SLC26A11: variants seen among roughly 807,000 people sequenced by gnomAD.
The protein encoded by SLC26A11 is sodium-independent sulfate anion transporter.
A neutral mutation model predicts 62.2 loss-of-function variants in SLC26A11; 58 were observed. The observed-to-expected ratio is 0.93, with a 90% CI of 0.76 to 1.16. The LOEUF (loss-of-function observed/expected upper bound fraction) is 1.16. SLC26A11 is among the 50% of genes most tolerant of loss of function. The pLI is 0.00. For synonymous variants in SLC26A11, 411 were observed against 368.9 expected, an observed-to-expected ratio of 1.11 and a Z score of -1.31; for missense variants, 790 against 794.3, an observed-to-expected ratio of 0.99 and a Z score of 0.06.
At chr17:80,227,669 TACTC>T (rs142496446) in intron 6 of SLC26A11, 145 bp from the exon 7 acceptor site, 60,715 of 1,031,698 alleles carry the variant, frequency 0.059, 2,060 homozygotes, top group Non-Finnish European at 0.068. Flanking sequence ...TTCCTTGTGA[TACTC>T]ACTGTGGTCT....
chr17:80,224,166 G>GGAGAGTGTGTGTTA (rs1555626010), intron 5 of SLC26A11, among the ~76,000 whole-genome samples: 12 of 150,538 alleles, frequency 8.0e-5, no homozygotes, highest in Admixed American at 1.3e-4. Context: ...ACCAAGGACA[G>GGAGAGTGTGTGTTA]GAGAGTGTGT....
Position 80,246,703 on chromosome 17 carries a change from G to A in SLC26A11, c.1294+54G>A. 2 of 1,577,178 alleles carry A rather than the reference G, an allele frequency of 1.3e-6. No individual in the cohort carries two copies. The highest frequency in any genetic ancestry group is 1.7e-6 in the Non-Finnish European group (2 of 1,161,764). ...CTGTGATGCGGTGTCTGAACGCGGA[G>A]GGTGTCATTTATGCTACCCCATTTT... On this transcript the variant is annotated intron_variant, in intron 13 of 17. Coordinates refer to ENST00000361193, the MANE Select transcript of SLC26A11 (RefSeq NM_001166347.2). This position sits in a 1 kb window ranked among gnomAD's most constrained non-coding sequence, Gnocchi z 4.4.
chr17:80,245,122 C>A lies in SLC26A11; in HGVS notation c.1037-74C>A, dbSNP rs113506065. 135 of 1,425,346 alleles carry A rather than the reference C, an allele frequency of 9.5e-5. No homozygotes were observed. In the East Asian group the frequency reaches 2.9e-3, roughly 30 times the overall value. 88.3% of individuals were successfully genotyped at this position (1,425,346 alleles called of 1,614,324 possible). A position where few individuals can be genotyped will look rare whatever the true frequency, so the allele number is the denominator to read the frequency against. ...TCCTGCCTCCCTTCTGGGTTTTTGTCCCCCTCCCCATCTCCTTTCCCTCCA... is the reference window on the plus strand; with the variant it reads ...TCCTGCCTCCCTTCTGGGTTTTTGTACCCCTCCCCATCTCCTTTCCCTCCA... On this transcript the variant is annotated intron_variant, in intron 10 of 17. Transcript: ENST00000361193.
At chr17:80,225,026 T>C (rs1334419321) in intron 5 of SLC26A11, among the ~76,000 whole-genome samples, 4 of 151,934 alleles carry the variant, frequency 2.6e-5, no homozygotes, top group Non-Finnish European at 5.9e-5. Flanking sequence ...CTCTGACTCC[T>C]GTTGGGTCTC....
At chr17:80,221,935 T>G in intron 3 of SLC26A11, 141 bp downstream of exon 3, 1 of 894,898 alleles carries the variant, frequency 1.1e-6, no homozygotes, top group South Asian at 1.8e-5. Context: ...GTGACGCAGA[T>G]TGTCTCTGGG....
At chr17:80,233,366 G>A (rs2042608656) in intron 7 of SLC26A11, among the ~76,000 whole-genome samples, 1 of 152,110 alleles carries the variant, frequency 6.6e-6, no homozygotes, top group South Asian at 2.1e-4. Flanking sequence ...TTGGCCTCAA[G>A]TGATGCTCCT....
At chr17:80,232,343 C>G (rs2042587510) in intron 7 of SLC26A11, among the ~76,000 whole-genome samples, 1 of 152,074 alleles carries the variant, frequency 6.6e-6, no homozygotes, top group Non-Finnish European at 1.5e-5. Flanking sequence ...CAACCTCCAC[C>G]TCCCAGGTTC....
At position 80,228,004 on chromosome 17, in the gene SLC26A11, G is replaced by A; in HGVS notation, c.736+44G>A. ...ACATCTTATGCAACCTTGGCTGCAG[G>A]TTGGGGTCACTTGGGGAGTCCTAGT... On this transcript the variant is annotated intron_variant, in intron 7 of 17. Coordinates refer to ENST00000361193, the MANE Select transcript of SLC26A11 (RefSeq NM_001166347.2). The surrounding 1 kb of genome is among the most constrained non-coding windows in gnomAD (Gnocchi z 4.1). 1 of 1,571,112 alleles carries A rather than the reference G, an allele frequency of 6.4e-7. No homozygotes were observed. Among genetic ancestry groups the A allele is most frequent in the Non-Finnish European group, 8.6e-7 (1 of 1,161,056 alleles).
At chr17:80,234,166 G>A (rs1256228856) in intron 7 of SLC26A11, among the ~76,000 whole-genome samples, 1 of 151,956 alleles carries the variant, frequency 6.6e-6, no homozygotes, top group Admixed American at 6.6e-5. Context: ...TACCACGCCC[G>A]GCTAATTTTT....
intron 9 of SLC26A11, among the ~76,000 whole-genome samples, chr17:80,238,681 G>T (rs1038256601): frequency 6.6e-6 from 1 of 152,104 alleles, no homozygotes; most frequent in Admixed American, 6.6e-5. Flanking sequence ...GATTCTAAAG[G>T]TTACAGCCCA....
At position 80,238,178 on chromosome 17, in the gene SLC26A11, C is replaced by G. The variant is rs895836324; in HGVS notation, c.985+584C>G. Among the ~76,000 whole-genome samples, 9 of 152,060 alleles carry G rather than the reference C, an allele frequency of 5.9e-5. No individual in the cohort carries two copies. In the East Asian group the frequency reaches 9.6e-4, roughly 16 times the overall value. ...TTTGAAACCCACCTAGGCAACGTAA[C>G]GAGACCTCGTTTCTATTAAAAATAA... On this transcript the variant is annotated intron_variant, in intron 9 of 17. Coordinates refer to ENST00000361193, the MANE Select transcript of SLC26A11 (RefSeq NM_001166347.2).
In SLC26A11 at chr17:80,252,703, T is replaced by G; in HGVS notation, c.1808T>G (p.Leu603Arg). 6.2e-7 allele frequency: 1 copy of G among 1,613,792 alleles called. No individual in the cohort carries two copies. The highest frequency in any genetic ancestry group is 8.5e-7 in the Non-Finnish European group (1 of 1,179,948). The change falls in exon 18 of 18, where the codon CTG becomes CGG. Residue 603 changes from leucine to arginine, a missense_variant. By Grantham distance (102) the Leu-to-Arg change is moderately radical. Coordinates refer to ENST00000361193, the MANE Select transcript of SLC26A11 (RefSeq NM_001166347.2). This position sits in a 1 kb window ranked among gnomAD's most constrained non-coding sequence, Gnocchi z 5.2. ...EDSILDQKVA[L>R]LKA ...TCCATTCTGGACCAAAAGGTTGCCC[T>G]GCTCAAGGCATAATGGGGCCACCCG...
At position 80,221,321 on chromosome 17, in the gene SLC26A11, C is replaced by CGG. The variant is rs77798957; in HGVS notation, c.-14+212_-14+213dup. The CGG allele has an allele frequency of 4.2e-4, 202 of 479,552 alleles. 2 individuals carry two copies. In the South Asian group the frequency reaches 4.7e-3, roughly 11 times the overall value. The allele number at this position is 479,552 out of a possible 1,614,324, so 29.7% of individuals were successfully genotyped here. A position where few individuals can be genotyped will look rare whatever the true frequency, so the allele number is the denominator to read the frequency against. On this transcript the variant is annotated intron_variant, in intron 2 of 17. Coordinates refer to ENST00000361193, the MANE Select transcript of SLC26A11 (RefSeq NM_001166347.2). ...GGACAGAAGGCACCCAGGATTTGCA[C>CGG]GGGGGGGATTCAGGGAGAGAGGGTG...
chr17:80,248,368 GAC>G, intron 14 of SLC26A11, 111 bp downstream of exon 14: 1 of 1,439,666 alleles, frequency 6.9e-7, no homozygotes, highest in Non-Finnish European at 9.2e-7. Context: ...TGCTGAAGGG[GAC>G]CGCTCGCTGG....
At position 80,222,676 on chromosome 17, in the gene SLC26A11, A is replaced by C. The variant is rs141472706; in HGVS notation, c.256A>C (p.Met86Leu). Residue 86 changes from methionine to leucine, a missense_variant, in exon 4 of 18, where the codon ATG becomes CTG. Met to Leu is a conservative substitution (Grantham distance 15, BLOSUM62 2). Coordinates refer to ENST00000361193, the MANE Select transcript of SLC26A11 (RefSeq NM_001166347.2). This position sits in a 1 kb window ranked among gnomAD's most constrained non-coding sequence, Gnocchi z 4.7. ...ACAGTATGGCCTCTACTCTGCCTTC[A>C]TGGGCTGCTTCGTGTATTTCTTCCT... ...PPQYGLYSAF[M>L]GCFVYFFLGT... 4,509 of 1,613,982 alleles carry C rather than the reference A, an allele frequency of 2.8e-3. 53 individuals carry two copies. Among genetic ancestry groups the C allele is most frequent in the East Asian group, 0.02 (898 of 44,866 alleles).
intron 5 of SLC26A11, among the ~76,000 whole-genome samples, chr17:80,224,328 TGAGTGAGA>T (rs1188042674): frequency 3.4e-5 from 5 of 146,782 alleles, no homozygotes; most frequent in African/African-American, 1.0e-4. Flanking sequence ...TGAGTGTGTA[TGAGTGAGA>T]GTGTGAGAGT....
rs1171496195 is a variant in SLC26A11 at position 80,228,215 on chromosome 17, C to T, written c.736+255C>T. On this transcript the variant is annotated intron_variant, in intron 7 of 17. Coordinates refer to ENST00000361193, the MANE Select transcript of SLC26A11 (RefSeq NM_001166347.2). This position sits in a 1 kb window ranked among gnomAD's most constrained non-coding sequence, Gnocchi z 4.1. The stretch of plus-strand genomic sequence containing the variant: ...TGGTGTGATATTGGCTCACTGCAAC[C>T]TCCGCCTCCCAGGTTCATGTGATTC... Among the ~76,000 whole-genome samples the T allele has an allele frequency of 6.6e-6, 1 of 152,192 alleles. No homozygotes were observed.
chr17:80,238,820 G>GTTTTTTTTTTTTTTTTT lies in SLC26A11; in HGVS notation c.985+1232_985+1233insTTTTTTTTTTTTTTTTT, dbSNP rs1366044421. On this transcript the variant is annotated intron_variant, in intron 9 of 17. Transcript: ENST00000361193. Reference sequence around the variant, plus strand: ...TACCCCCTTCAAAGGAGTTTTTTTTGTTTTTTGTTTTTTTTTTTTTTTGGA... The same window carrying GTTTTTTTTTTTTTTTTT: ...TACCCCCTTCAAAGGAGTTTTTTTTGTTTTTTTTTTTTTTTTTTTTTTTGTTTTTTTTTTTTTTTGGA... 5.7e-5 allele frequency among the ~76,000 whole-genome samples: 5 copies of GTTTTTTTTTTTTTTTTT among 87,390 alleles called. 1 individual carries two copies. Among genetic ancestry groups the GTTTTTTTTTTTTTTTTT allele is most frequent in the African/African-American group, 8.7e-5 (2 of 23,044 alleles). The allele number at this position is 87,390 out of a possible 152,430, so 57.3% of individuals were successfully genotyped here. A position where few individuals can be genotyped will look rare whatever the true frequency, so the allele number is the denominator to read the frequency against.
intron 10 of SLC26A11, among the ~76,000 whole-genome samples, chr17:80,242,407 G>T (rs116759806): frequency 0.024 from 3,698 of 152,342 alleles, 191 homozygotes; most frequent in African/African-American, 0.085. Flanking sequence ...TGACCCTGAG[G>T]TCTGTGGCCT....
Sources: gnomAD v4.1 joint callset for allele counts (sites outside exome capture counted in the v4.1 genomes callset) on GRCh38, gnomAD v4.1.1 for gene constraint, Gnocchi (gnomAD v3.1) non-coding constraint, MANE v1.5 for transcripts, NCBI Gene and HGNC (gene_info 2026-07-23, HGNC 2026-07-21) for gene names.